The following LARS2 variants were observed in gnomAD, a reference collection of about 807,000 sequenced individuals.
LARS2 encodes the protein leucyl-tRNA synthetase 2, mitochondrial, also known as leucine--tRNA ligase, mitochondrial.
Under a neutral mutation model 116.6 loss-of-function variants are expected in LARS2, and 81 were observed. That is an observed-to-expected ratio of 0.69 (90% confidence interval 0.58 to 0.84). LARS2 has a LOEUF of 0.84. LARS2 is among the 40% of genes least tolerant of loss of function. The pLI is 0.00. For missense variants in LARS2, 968 were observed against 1,114.5 expected (o/e 0.87, Z 1.87); for synonymous variants, 396 against 407.2 (o/e 0.97, Z 0.33).
At chr3:45,513,475 C>G (rs1184467054) in intron 16 of LARS2, among the ~76,000 whole-genome samples, 1 of 152,248 alleles carries the variant, frequency 6.6e-6, no homozygotes, top group Non-Finnish European at 1.5e-5. Context: ...ACCTCAGCTT[C>G]TGGCAGGGTT....
chr3:45,442,301 G>A (rs2125701352), intron 6 of LARS2, among the ~76,000 whole-genome samples: 1 of 152,324 alleles, frequency 6.6e-6, no homozygotes, highest in East Asian at 1.9e-4. Flanking sequence ...CCCCCTTGGA[G>A]TTGCAGGCAG....
rs114795216 is a variant in LARS2 at position 45,394,190 on chromosome 3, T to C, written c.-21-243T>C. 8.8e-3 allele frequency among the ~76,000 whole-genome samples: 1,347 copies of C among 152,366 alleles called. 21 individuals carry two copies. The highest frequency in any genetic ancestry group is 0.031 in the African/African-American group (1,269 of 41,590). On this transcript the variant is annotated intron_variant, in intron 2 of 21. Transcript: ENST00000645846. The stretch of plus-strand genomic sequence containing the variant: ...TGCGCAGGAGCTGGCCAGCTGATGG[T>C]CTCCATTTTTTCCTACAGGATTTTT...
At chr3:45,475,708 C>T (rs1699597856) in intron 9 of LARS2, among the ~76,000 whole-genome samples, 1 of 152,236 alleles carries the variant, frequency 6.6e-6, no homozygotes, top group Non-Finnish European at 1.5e-5. Flanking sequence ...AGGAAGGAAG[C>T]ATCTCAGTCC....
At chr3:45,441,686 C>T (rs1284382750) in intron 6 of LARS2, among the ~76,000 whole-genome samples, 3 of 152,192 alleles carry the variant, frequency 2.0e-5, no homozygotes, top group Admixed American at 2.0e-4. Context: ...GGTAGGCCTC[C>T]GTGCCTCAGC....
At chr3:45,525,650 A>G (rs1435136473) in intron 20 of LARS2, among the ~76,000 whole-genome samples, 1 of 152,188 alleles carries the variant, frequency 6.6e-6, no homozygotes, top group East Asian at 1.9e-4. Context: ...ATTGAGTACA[A>G]GTGTATTTCA....
At chr3:45,446,756 C>G in intron 6 of LARS2, 135 bp from the exon 7 acceptor site, 1 of 575,502 alleles carries the variant, frequency 1.7e-6, no homozygotes, top group Non-Finnish European at 3.1e-6. Context: ...ACTTTACAAA[C>G]TGGTGAAAAT....
intron 6 of LARS2, among the ~76,000 whole-genome samples, chr3:45,427,263 G>A (rs1698610333): frequency 1.3e-5 from 2 of 152,142 alleles, no homozygotes; most frequent in South Asian, 4.1e-4. Flanking sequence ...GTTATTCCAT[G>A]AAAATAACAA....
chr3:45,495,177 C>G (rs1699990339), intron 13 of LARS2: 1 of 152,250 alleles, frequency 6.6e-6, no homozygotes, highest in Non-Finnish European at 1.5e-5. Flanking sequence ...CTTCACATAT[C>G]AAGGATCTCA....
At chr3:45,395,276 G>T (rs1002742428) in intron 3 of LARS2, among the ~76,000 whole-genome samples, 6 of 152,232 alleles carry the variant, frequency 3.9e-5, no homozygotes, top group Non-Finnish European at 8.8e-5. Flanking sequence ...GTGAACTGGG[G>T]TAGGGTCTAA....
rs190328025 is a variant in LARS2 at position 45,432,314 on chromosome 3, G to A, written c.516+12585G>A. 2.9e-3 allele frequency among the ~76,000 whole-genome samples: 442 copies of A among 152,208 alleles called. 1 individual carries two copies. Among genetic ancestry groups the A allele is most frequent in the African/African-American group, 0.01 (423 of 41,556 alleles). On this transcript the variant is annotated intron_variant, in intron 6 of 21. Transcript: ENST00000645846. ...TGTAATAAACAAACTAGGTCTAACA[G>A]ACACACAGAACACTCTACATGACAA...
At chr3:45,427,112 C>G (rs559587186) in intron 6 of LARS2, among the ~76,000 whole-genome samples, 4 of 152,308 alleles carry the variant, frequency 2.6e-5, no homozygotes, top group African/African-American at 9.6e-5. Context: ...GGTACAAAAT[C>G]TCTCTCTTCC....
At chr3:45,495,326 G>T (rs898839957) in intron 13 of LARS2, 7 of 152,254 alleles carry the variant, frequency 4.6e-5, no homozygotes, top group African/African-American at 1.4e-4. Context: ...TTTCCGTGAT[G>T]TACATACTCC....
chr3:45,404,204 TCA>T (rs1293728590), intron 4 of LARS2, among the ~76,000 whole-genome samples: 1 of 152,230 alleles, frequency 6.6e-6, no homozygotes, highest in Admixed American at 6.5e-5. Flanking sequence ...TCTTTTTGTT[TCA>T]CAGTTTCAGT....
Position 45,541,830 on chromosome 3 carries a change from C to A in LARS2, c.2406C>A (p.Gly802=). 6.2e-7 allele frequency: 1 copy of A among 1,614,094 alleles called. No homozygotes were observed. The highest frequency in any genetic ancestry group is 2.2e-5 in the East Asian group (1 of 44,880). ...APHVTSEIWA[G]LALVPRKLCA... is the part of the protein sequence containing the mutation. ...CGCTTCTGTGCCTCGGCATTGCAGG[C>A]CTGGCGCTGGTGCCGAGGAAGCTCT... Residue 802 remains glycine (G), a splice_region_variant and synonymous_variant, in exon 21 of 22, where the codon GGC becomes GGA. Transcript: ENST00000645846.
intron 18 of LARS2, among the ~76,000 whole-genome samples, chr3:45,519,022 A>G (rs1317805050): frequency 6.6e-6 from 1 of 152,216 alleles, no homozygotes; most frequent in African/African-American, 2.4e-5. Context: ...GATTTGGCAA[A>G]TTCTTCTATT....
At chr3:45,426,470 T>G (rs921651516) in intron 6 of LARS2, among the ~76,000 whole-genome samples, 1 of 152,228 alleles carries the variant, frequency 6.6e-6, no homozygotes, top group Admixed American at 6.5e-5. Flanking sequence ...GAGTCAGAAA[T>G]TAACCTTTTC....
chr3:45,405,662 T>C (rs1698222249), intron 4 of LARS2, among the ~76,000 whole-genome samples: 1 of 152,200 alleles, frequency 6.6e-6, no homozygotes. Flanking sequence ...ATTCATGGGC[T>C]AGTTCTTGGT....
chr3:45,410,009 C>G (rs1273023412), intron 4 of LARS2, among the ~76,000 whole-genome samples: 1 of 152,116 alleles, frequency 6.6e-6, no homozygotes, highest in African/African-American at 2.4e-5. Flanking sequence ...TTATGTAAAT[C>G]TAGGCTGGTT....
intron 10 of LARS2, among the ~76,000 whole-genome samples, chr3:45,478,366 T>C (rs939406891): frequency 2.6e-5 from 4 of 152,218 alleles, no homozygotes; most frequent in African/African-American, 9.7e-5. Flanking sequence ...TTTTCTCTTA[T>C]GGCTAAATTT....
Sources: allele counts gnomAD v4.1 joint callset (sites outside exome capture counted in the v4.1 genomes callset), GRCh38; gene constraint gnomAD v4.1.1; transcripts MANE v1.5; gene names NCBI Gene and HGNC (gene_info 2026-07-23, HGNC 2026-07-21).